The following FSIP2 variants were observed in gnomAD, a reference collection of about 807,000 sequenced individuals.
FSIP2 encodes fibrous sheath-interacting protein 2.
A neutral mutation model predicts 510.5 loss-of-function variants in FSIP2; 367 were observed. The observed-to-expected ratio is 0.72, with a 90% CI of 0.66 to 0.78. The LOEUF (loss-of-function observed/expected upper bound fraction) is 0.78, where lower values mean the gene tolerates loss of function less well. Among genes scored for constraint, FSIP2 ranks in the 30% least tolerant of loss-of-function variants. FSIP2 has a pLI of 0.00. For synonymous variants in FSIP2, 2,601 were observed against 2,732.2 expected (o/e 0.95, Z 1.50); for missense variants, 7,594 against 7,901.7 (o/e 0.96, Z 1.48).
Position 185,803,684 on chromosome 2 carries a change from A to G in FSIP2, c.14378A>G (p.His4793Arg). 1 of 1,531,676 alleles carries G rather than the reference A, an allele frequency of 6.5e-7. No individual in the cohort carries two copies. The highest frequency in any genetic ancestry group is 8.7e-7 in the Non-Finnish European group (1 of 1,143,796). The allele number at this position is 1,531,676 out of a possible 1,614,324, so 94.9% of individuals were successfully genotyped here. Residue 4793 changes from histidine to arginine, a missense_variant, in exon 17 of 23, where the codon CAT becomes CGT. By Grantham distance (29) the His-to-Arg change is conservative. Coordinates refer to ENST00000424728, the MANE Select transcript of FSIP2 (RefSeq NM_173651.4). ...TMYTTMLSHSHLEKIVTQLTS... is the reference protein window; with the variant it reads ...TMYTTMLSHSRLEKIVTQLTS... ...TATACCACTATGTTATCACATAGTC[A>G]TTTGGAAAAAATAGTTACTCAGCTT...
Position 185,806,179 on chromosome 2 carries a change from A to G in FSIP2, c.16873A>G (p.Lys5625Glu). The change falls in exon 17 of 23, where the codon AAG (lysine) becomes GAG (glutamate). Residue 5625 changes from lysine (K) to glutamate (E), a missense_variant. Lys to Glu is a moderately conservative substitution (Grantham distance 56, BLOSUM62 1). Coordinates refer to ENST00000424728, the MANE Select transcript of FSIP2 (RefSeq NM_173651.4). The part of the protein sequence containing the change: ...ARESSFKKDD[K>E]LFQLSSLKSK... ...GGAAAGCTCATTTAAAAAAGATGACAAGCTCTTTCAGTTATCCTCCTTGAA... is the reference window on the plus strand; with the variant it reads ...GGAAAGCTCATTTAAAAAAGATGACGAGCTCTTTCAGTTATCCTCCTTGAA... The G allele has an allele frequency of 2.5e-6, 4 of 1,586,292 alleles. No individual in the cohort carries two copies. Among genetic ancestry groups the G allele is most frequent in the Non-Finnish European group, 3.4e-6 (4 of 1,171,574 alleles).
rs1692426149 is a variant in FSIP2 at position 185,764,619 on chromosome 2, A to G, written c.1411+54A>G. 4 of 1,205,696 alleles carry G rather than the reference A, an allele frequency of 3.3e-6. No homozygotes were observed. In the East Asian group the frequency reaches 7.7e-5, roughly 23 times the overall value. The allele number at this position is 1,205,696 out of a possible 1,614,324, so 74.7% of individuals were successfully genotyped here. On this transcript the variant is annotated intron_variant, in intron 13 of 22. Transcript: ENST00000424728. The stretch of plus-strand genomic sequence containing the variant: ...ATCTTGCATTCTATTTATTCTTTCA[A>G]CTGACATTTACTGAGTTTTTGCTTC...
chr2:185,779,864 T>C (rs986612234), intron 13 of FSIP2, among the ~76,000 whole-genome samples: 2 of 152,014 alleles, frequency 1.3e-5, no homozygotes, highest in Admixed American at 6.5e-5. Flanking sequence ...TTTGATAAAA[T>C]TGTCTTTATC....
intron 9 of FSIP2, among the ~76,000 whole-genome samples, chr2:185,760,724 G>A (rs1202931789): frequency 6.6e-6 from 1 of 150,396 alleles, no homozygotes; most frequent in Non-Finnish European, 1.5e-5. Context: ...TCTAGAAAGC[G>A]CAAACTAATC....
Position 185,803,704 on chromosome 2 carries a change from C to T in FSIP2, c.14398C>T (p.Gln4800Ter). 3.9e-6 allele frequency: 6 copies of T among 1,532,552 alleles called. No homozygotes were observed. The highest frequency in any genetic ancestry group is 4.4e-6 in the Non-Finnish European group (5 of 1,144,534). 94.9% of individuals were successfully genotyped at this position (1,532,552 alleles called of 1,614,324 possible). The change falls in exon 17 of 23, where the codon CAG becomes TAG. Residue 4800 changes from glutamine to a stop codon, truncating the protein, a stop_gained. Transcript: ENST00000424728. LOFTEE classifies it high-confidence loss of function. ...SHSHLEKIVT[Q>*]LTSQISPLNT... is the part of the protein sequence containing the mutation. Reference sequence around the variant, plus strand: ...TAGTCATTTGGAAAAAATAGTTACTCAGCTTACATCTCAGATAAGTCCATT... The same window carrying T: ...TAGTCATTTGGAAAAAATAGTTACTTAGCTTACATCTCAGATAAGTCCATT...
rs1693398894 is a variant in FSIP2 at position 185,800,232 on chromosome 2, A to G, written c.10926A>G (p.Val3642=). 6.5e-7 allele frequency: 1 copy of G among 1,532,658 alleles called. No individual in the cohort carries two copies. 94.9% of individuals were successfully genotyped at this position (1,532,658 alleles called of 1,614,324 possible). Residue 3642 remains valine (V), a synonymous_variant, in exon 17 of 23, where the codon GTA becomes GTG. Transcript: ENST00000424728. ...KSFSMHRNNS[V]PLCNKINRQA... ...TTTCTATGCATAGAAATAATAGTGT[A>G]CCCCTTTGCAACAAAATCAATAGAC...
chr2:185,779,024 A>G (rs1432531675), intron 13 of FSIP2, among the ~76,000 whole-genome samples: 1 of 151,930 alleles, frequency 6.6e-6, no homozygotes, highest in Non-Finnish European at 1.5e-5. Context: ...TTTGCCTTAA[A>G]TGTGTCTAAT....
Position 185,831,875 on chromosome 2 carries a change from C to T in FSIP2, c.20580C>T (p.Val6860=), listed in dbSNP as rs758591800. The T allele has an allele frequency of 6.3e-7, 1 of 1,588,662 alleles. No homozygotes were observed. Among genetic ancestry groups the T allele is most frequent in the Non-Finnish European group, 8.6e-7 (1 of 1,157,974 alleles). Residue 6860 remains valine (V), a synonymous_variant, in exon 22 of 23, where the codon GTC becomes GTT. Transcript: ENST00000424728. ...VLGSANPSKE[V]ISETPKPDVS... ...GCAGTGCAAATCCCTCAAAGGAAGT[C>T]ATTTCAGGTACAAAATGTACTATTT...
In FSIP2 at chr2:185,831,800, T is replaced by C; in HGVS notation, c.20518-13T>C. The C allele has an allele frequency of 6.3e-7, 1 of 1,592,780 alleles. No homozygotes were observed. The highest frequency in any genetic ancestry group is 8.6e-7 in the Non-Finnish European group (1 of 1,161,566). The stretch of plus-strand genomic sequence containing the variant: ...GTGAAAGACTCAGTTTGTATTTCAA[T>C]TTACCTTGGCAGTTTATCACCATCT... On this transcript the variant is annotated splice_polypyrimidine_tract_variant and intron_variant, in intron 21 of 22. Transcript: ENST00000424728.
chr2:185,737,216 C>T (rs1321656507), upstream of FSIP2, among the ~76,000 whole-genome samples: 3 of 152,150 alleles, frequency 2.0e-5, no homozygotes, highest in Admixed American at 2.0e-4. Flanking sequence ...ACCTCCATCA[C>T]TGTAAGGTAA....
At position 185,803,708 on chromosome 2, in the gene FSIP2, T is replaced by G; in HGVS notation, c.14402T>G (p.Leu4801Arg). 1.3e-6 allele frequency: 2 copies of G among 1,532,866 alleles called. No homozygotes were observed. Among genetic ancestry groups the G allele is most frequent in the Non-Finnish European group, 1.7e-6 (2 of 1,144,730 alleles). The allele number at this position is 1,532,866 out of a possible 1,614,324, so 95.0% of individuals were successfully genotyped here. Residue 4801 changes from leucine (L) to arginine (R), a missense_variant, in exon 17 of 23, where the codon CTT (leucine) becomes CGT (arginine). Coordinates refer to ENST00000424728, the MANE Select transcript of FSIP2 (RefSeq NM_173651.4). ...HSHLEKIVTQ[L>R]TSQISPLNTS... Reference sequence around the variant, plus strand: ...CATTTGGAAAAAATAGTTACTCAGCTTACATCTCAGATAAGTCCATTGAAC... The same window carrying G: ...CATTTGGAAAAAATAGTTACTCAGCGTACATCTCAGATAAGTCCATTGAAC...
At chr2:185,798,220 T>C (rs1425139360) in intron 16 of FSIP2, among the ~76,000 whole-genome samples, 1 of 151,892 alleles carries the variant, frequency 6.6e-6, no homozygotes, top group Non-Finnish European at 1.5e-5. Flanking sequence ...AGTTAACTGA[T>C]TAAAAGTCAT....
At position 185,791,053 on chromosome 2, in the gene FSIP2, T is replaced by C. The variant is rs1026215318; in HGVS notation, c.3917T>C (p.Ile1306Thr). 1 of 1,532,540 alleles carries C rather than the reference T, an allele frequency of 6.5e-7. No homozygotes were observed. The highest frequency in any genetic ancestry group is 1.2e-5 in the South Asian group (1 of 83,676). 94.9% of individuals were successfully genotyped at this position (1,532,540 alleles called of 1,614,324 possible). The change falls in exon 16 of 23, where the codon ATC becomes ACC. Residue 1306 changes from isoleucine (I) to threonine (T), a missense_variant. By Grantham distance (89) the Ile-to-Thr change is moderately conservative. Coordinates refer to ENST00000424728, the MANE Select transcript of FSIP2 (RefSeq NM_173651.4). ...AKIVNIVLCA[I>T]QNELELHKEN... Reference sequence around the variant, plus strand: ...ATAGTAAACATTGTTTTATGTGCTATCCAGAATGAACTGGAACTTCACAAG... The same window carrying C: ...ATAGTAAACATTGTTTTATGTGCTACCCAGAATGAACTGGAACTTCACAAG...
chr2:185,807,777 T>C lies in FSIP2; in HGVS notation c.18471T>C (p.Val6157=), dbSNP rs921635169. 6.2e-7 allele frequency: 1 copy of C among 1,612,536 alleles called. No homozygotes were observed. The highest frequency in any genetic ancestry group is 1.1e-5 in the South Asian group (1 of 90,982). Residue 6157 remains valine, a synonymous_variant, in exon 17 of 23, where the codon GTT becomes GTC. Transcript: ENST00000424728. ...TCGTTGAAAAGATCCTTAAAGATGTTTTCCAAACTACTGATGTGCCCCTAC... is the reference window on the plus strand; with the variant it reads ...TCGTTGAAAAGATCCTTAAAGATGTCTTCCAAACTACTGATGTGCCCCTAC... ...ENIVEKILKD[V]FQTTDVPLPK...
chr2:185,770,392 C>A (rs1274621614), intron 13 of FSIP2, among the ~76,000 whole-genome samples: 1 of 152,048 alleles, frequency 6.6e-6, no homozygotes, highest in Non-Finnish European at 1.5e-5. Flanking sequence ...ACGCACGGCA[C>A]CAGAATTGCT....
rs1370244471 is a variant in FSIP2, at chr2:185,806,226, T to C, written c.16920T>C (p.Thr5640=). The change falls in exon 17 of 23, where the codon ACT becomes ACC. Residue 5640 remains threonine, a synonymous_variant. Transcript: ENST00000424728. ...SSLKSKRNLG[T]TTDTLEIRIR... ...TGAAGTCCAAGAGAAATCTAGGGAC[T>C]ACAACAGATACTTTGGAAATAAGAA... The C allele has an allele frequency of 6.2e-7, 1 of 1,608,958 alleles. No individual in the cohort carries two copies. The highest frequency in any genetic ancestry group is 1.3e-5 in the African/African-American group (1 of 74,600).
At position 185,791,056 on chromosome 2, in the gene FSIP2, A is replaced by G; in HGVS notation, c.3920A>G (p.Gln1307Arg). 6.5e-7 allele frequency: 1 copy of G among 1,532,458 alleles called. No homozygotes were observed. Among genetic ancestry groups the G allele is most frequent in the Non-Finnish European group, 8.7e-7 (1 of 1,144,878 alleles). 94.9% of individuals were successfully genotyped at this position (1,532,458 alleles called of 1,614,324 possible). ...KIVNIVLCAI[Q>R]NELELHKENL... ...GTAAACATTGTTTTATGTGCTATCC[A>G]GAATGAACTGGAACTTCACAAGGAA... Residue 1307 changes from glutamine (Q) to arginine (R), a missense_variant, in exon 16 of 23, where the codon CAG (glutamine) becomes CGG (arginine). Coordinates refer to ENST00000424728, the MANE Select transcript of FSIP2 (RefSeq NM_173651.4).
chr2:185,827,017 T>G (rs1257025373), intron 20 of FSIP2, among the ~76,000 whole-genome samples: 1 of 151,818 alleles, frequency 6.6e-6, no homozygotes, highest in East Asian at 1.9e-4. Flanking sequence ...CAAAACAACT[T>G]CCTAGTTTTT....
chr2:185,745,503 C>A lies in FSIP2; in HGVS notation c.552C>A (p.Val184=). 4 of 1,535,272 alleles carry A rather than the reference C, an allele frequency of 2.6e-6. No individual in the cohort carries two copies. The highest frequency in any genetic ancestry group is 3.5e-6 in the Non-Finnish European group (4 of 1,146,262). The change falls in exon 5 of 23, where the codon GTC becomes GTA. Residue 184 remains valine, a synonymous_variant. Coordinates refer to ENST00000424728, the MANE Select transcript of FSIP2 (RefSeq NM_173651.4). ...CTCAACATTGTGATGTTGCACAAGTCCAAAACTGGTTGTTAAAGGAGGGCA... is the reference window on the plus strand; with the variant it reads ...CTCAACATTGTGATGTTGCACAAGTACAAAACTGGTTGTTAAAGGAGGGCA... The part of the protein sequence containing the change: ...QIPQHCDVAQ[V]QNWLLKEGTE...
Sources: allele counts gnomAD v4.1 joint callset (sites outside exome capture counted in the v4.1 genomes callset), GRCh38; gene constraint gnomAD v4.1.1; transcripts MANE v1.5; gene names NCBI Gene and HGNC (gene_info 2026-07-23, HGNC 2026-07-21).